The following PNO1 variants were observed in gnomAD, a reference collection of about 807,000 sequenced individuals.
The protein encoded by PNO1 is RNA-binding protein PNO1.
A neutral mutation model predicts 28.4 loss-of-function variants in PNO1; 16 were observed. The ratio of observed to expected loss-of-function variants is 0.56; its 90% CI spans 0.38 to 0.85. PNO1 has a LOEUF of 0.85. Among genes scored for constraint, PNO1 ranks in the 40% least tolerant of loss-of-function variants. PNO1 has a pLI of 0.00. For missense variants in PNO1, 304 were observed against 312.2 expected (o/e 0.97, Z 0.20); for synonymous variants, 115 against 110.8 (o/e 1.04, Z -0.24).
chr2:68,158,677 C>A (rs886579061), intron 2 of PNO1, 148 bp downstream of exon 2: 14 of 609,472 alleles, frequency 2.3e-5, no homozygotes, highest in Non-Finnish European at 3.5e-5. Context: ...TTGAACTTCC[C>A]AAATGCCTTA....
At chr2:68,163,941 T>A (rs1427221852) in intron 5 of PNO1, among the ~76,000 whole-genome samples, 1 of 152,196 alleles carries the variant, frequency 6.6e-6, no homozygotes, top group East Asian at 1.9e-4. Context: ...GTTCTGCCTA[T>A]GACTAAATTC....
At position 68,162,676 on chromosome 2, in the gene PNO1, T is replaced by C; in HGVS notation, c.620+13T>C. On this transcript the variant is annotated intron_variant, in intron 5 of 6. Transcript: ENST00000263657. ...TTTTGGCTGATGTGTAAGTATCTGA[T>C]CTTGAGAAAATTATTGTCATAATTT... 1 of 1,420,824 alleles carries C rather than the reference T, an allele frequency of 7.0e-7. No homozygotes were observed. The highest frequency in any genetic ancestry group is 1.0e-6 in the Non-Finnish European group (1 of 1,004,448). The allele number at this position is 1,420,824 out of a possible 1,614,324, so 88.0% of individuals were successfully genotyped here.
intron 5 of PNO1, among the ~76,000 whole-genome samples, 195 bp downstream of exon 5, chr2:68,162,858 A>T (rs1673873187): frequency 6.6e-6 from 1 of 152,242 alleles, no homozygotes; most frequent in South Asian, 2.1e-4. Context: ...CTTATGGAAC[A>T]TTATAGCTTA....
chr2:68,165,653 A>T (rs555962010), intron 5 of PNO1, among the ~76,000 whole-genome samples: 2 of 151,676 alleles, frequency 1.3e-5, no homozygotes, highest in African/African-American at 2.4e-5. Flanking sequence ...ATTCGAAACC[A>T]GCCTGGGCGA....
At position 68,158,043 on chromosome 2, in the gene PNO1, G is replaced by T; in HGVS notation, c.109G>T (p.Ala37Ser). ...GAAACGACAGGCTGAACAGCTGTCC[G>T]CAGCAGGAGAGGGCGGGGATGCGGG... ...AKKRQAEQLSAAGEGGDAGRM... is the reference protein window; with the variant it reads ...AKKRQAEQLSSAGEGGDAGRM... Residue 37 changes from alanine (A) to serine (S), a missense_variant, in exon 1 of 7, where the codon GCA becomes TCA. Coordinates refer to ENST00000263657, the MANE Select transcript of PNO1 (RefSeq NM_020143.4). The T allele has an allele frequency of 3.1e-6, 5 of 1,614,068 alleles. No homozygotes were observed. The highest frequency in any genetic ancestry group is 2.5e-6 in the Non-Finnish European group (3 of 1,180,020).
At position 68,175,251 on chromosome 2, in the gene PNO1, G is replaced by A. The variant is rs1674246011; in HGVS notation, c.*449G>A. The A allele has an allele frequency of 6.6e-6, 1 of 152,362 alleles. No homozygotes were observed. The highest frequency in any genetic ancestry group is 2.4e-5 in the African/African-American group (1 of 41,346). 9.4% of individuals were successfully genotyped at this position (152,362 alleles called of 1,614,324 possible). ...GAATGATGACCCTTCCTTAATACTG[G>A]GTGATGTGTGAATATTTGTTTGTTG... is the stretch of plus-strand genomic sequence containing the variant. On this transcript the variant is annotated 3_prime_UTR_variant, in exon 7 of 7. Coordinates refer to ENST00000263657, the MANE Select transcript of PNO1 (RefSeq NM_020143.4).
chr2:68,158,723 G>C (rs1396233894), intron 2 of PNO1, among the ~76,000 whole-genome samples, 194 bp downstream of exon 2: 1 of 152,190 alleles, frequency 6.6e-6, no homozygotes, highest in Non-Finnish European at 1.5e-5. Context: ...AATTGAATTT[G>C]TAAATTAGTT....
At chr2:68,167,638 A>T (rs1008256338) in intron 5 of PNO1, among the ~76,000 whole-genome samples, 1 of 152,114 alleles carries the variant, frequency 6.6e-6, no homozygotes, top group Non-Finnish European at 1.5e-5. Context: ...ATTTTTTTCC[A>T]GAACAGGACG....
intron 5 of PNO1, among the ~76,000 whole-genome samples, chr2:68,172,267 A>G (rs541979888): frequency 6.6e-6 from 1 of 151,698 alleles, no homozygotes. Flanking sequence ...CTCAGAGCAG[A>G]TCCAAAGCCA....
At chr2:68,173,067 T>G in intron 5 of PNO1, 1 of 285,378 alleles carries the variant, frequency 3.5e-6, no homozygotes. Flanking sequence ...AGGAAATGCT[T>G]TTTTGTCTAC....
At chr2:68,162,361 A>T in intron 4 of PNO1, 36 bp downstream of exon 4, 1 of 1,525,616 alleles carries the variant, frequency 6.6e-7, no homozygotes, top group East Asian at 2.3e-5. Flanking sequence ...TGTGTCGCTG[A>T]CTTTGTATTG....
At chr2:68,174,443 A>C (rs1349513329) in intron 6 of PNO1, among the ~76,000 whole-genome samples, 1 of 152,016 alleles carries the variant, frequency 6.6e-6, no homozygotes, top group Non-Finnish European at 1.5e-5. Flanking sequence ...GAAAAAAAAT[A>C]TATAAAAATA....
chr2:68,171,363 C>G (rs754078739), intron 5 of PNO1, among the ~76,000 whole-genome samples: 2 of 152,196 alleles, frequency 1.3e-5, no homozygotes, highest in Non-Finnish European at 2.9e-5. Flanking sequence ...TCCTGGGTTC[C>G]CTGTCCCCTG....
At chr2:68,173,299 G>C (rs1674179884) in intron 5 of PNO1, 48 bp from the exon 6 acceptor site, 11 of 1,117,952 alleles carry the variant, frequency 9.8e-6, no homozygotes, top group Non-Finnish European at 1.4e-5. Context: ...TTACAGGTGT[G>C]AGTCATTGCA....
chr2:68,166,508 G>A (rs1360165910), intron 5 of PNO1, among the ~76,000 whole-genome samples: 1 of 152,190 alleles, frequency 6.6e-6, no homozygotes, highest in Non-Finnish European at 1.5e-5. Context: ...ACGAGGAAGA[G>A]GGGTTAATCT....
At chr2:68,173,534 C>CA (rs1261496722) in intron 6 of PNO1, 117 bp downstream of exon 6, 13 of 619,018 alleles carry the variant, frequency 2.1e-5, no homozygotes, top group Non-Finnish European at 3.8e-5. Flanking sequence ...CAAGTAGAAA[C>CA]CCTTGGGAGT....
At chr2:68,169,662 C>T (rs952235954) in intron 5 of PNO1, among the ~76,000 whole-genome samples, 2 of 152,056 alleles carry the variant, frequency 1.3e-5, no homozygotes, top group African/African-American at 2.4e-5. Flanking sequence ...TGTTTGTGTG[C>T]GTAAGTTTTA....
intron 5 of PNO1, among the ~76,000 whole-genome samples, chr2:68,165,556 A>AC (rs1362845340): frequency 2.7e-5 from 4 of 148,514 alleles, no homozygotes; most frequent in African/African-American, 9.9e-5. Context: ...AAAAAAAAAA[A>AC]AAAAAAAAAC....
intron 5 of PNO1, among the ~76,000 whole-genome samples, chr2:68,164,277 C>T (rs1673917498): frequency 6.6e-6 from 1 of 152,074 alleles, no homozygotes; most frequent in African/African-American, 2.4e-5. Flanking sequence ...ATGGCGTGAT[C>T]TCAGGAGTCT....
Sources: gnomAD v4.1 joint callset for allele counts (sites outside exome capture counted in the v4.1 genomes callset) on GRCh38, gnomAD v4.1.1 for gene constraint, MANE v1.5 for transcripts, NCBI Gene and HGNC (gene_info 2026-07-23, HGNC 2026-07-21) for gene names.